Variants in E2F3 observed in about 807,000 individuals in gnomAD.
E2F3 encodes transcription factor E2F3.
In E2F3, 11 loss-of-function variants were observed where a neutral mutation model predicts 44.4. The ratio of observed to expected loss-of-function variants is 0.25; its 90% CI spans 0.16 to 0.41. E2F3 has a LOEUF of 0.41. Ranked by LOEUF, E2F3 falls within the 10% of genes least tolerant of loss-of-function variation. The pLI is 1.00. For missense variants in E2F3, 487 were observed against 583.6 expected, an observed-to-expected ratio of 0.83 and a Z score of 1.70; for synonymous variants, 249 against 253.0, an observed-to-expected ratio of 0.98 and a Z score of 0.15.
At chr6:20,408,570 A>G (rs535820501) in intron 1 of E2F3, among the ~76,000 whole-genome samples, 123 of 152,290 alleles carry the variant, frequency 8.1e-4, no homozygotes, top group African/African-American at 2.9e-3. Flanking sequence ...TCTCCTATCC[A>G]ATGCAATGTA....
Position 20,492,282 on chromosome 6 carries a change from G to A in E2F3, c.*1852G>A, listed in dbSNP as rs1221016335. 6 of 232,110 alleles carry A rather than the reference G, an allele frequency of 2.6e-5. No homozygotes were observed. Among genetic ancestry groups the A allele is most frequent in the Middle Eastern group, 2.6e-3 (2 of 778 alleles). 14.4% of individuals were successfully genotyped at this position (232,110 alleles called of 1,614,324 possible). Reference sequence around the variant, plus strand: ...CTTTAAACTCTTTGTGTGGGTATGCGTGGGTGTATGTTTGGGAAGAAAAAC... The same window carrying A: ...CTTTAAACTCTTTGTGTGGGTATGCATGGGTGTATGTTTGGGAAGAAAAAC... On this transcript the variant is annotated 3_prime_UTR_variant, in exon 7 of 7. Coordinates refer to ENST00000346618, the MANE Select transcript of E2F3 (RefSeq NM_001949.5).
intron 1 of E2F3, among the ~76,000 whole-genome samples, chr6:20,478,288 CACT>C (rs1762110602): frequency 6.6e-6 from 1 of 152,162 alleles, no homozygotes; most frequent in Non-Finnish European, 1.5e-5. Context: ...AACATGTGAT[CACT>C]ACTAAAATTG....
intron 1 of E2F3, chr6:20,421,791 A>G (rs1760036419): frequency 6.6e-6 from 1 of 152,310 alleles, no homozygotes; most frequent in African/African-American, 2.4e-5. Flanking sequence ...CCCGATCGGC[A>G]TAGCGCACTA....
At chr6:20,461,717 C>T (rs1761516269) in intron 1 of E2F3, among the ~76,000 whole-genome samples, 1 of 152,018 alleles carries the variant, frequency 6.6e-6, no homozygotes, top group African/African-American at 2.4e-5. Flanking sequence ...GTGTGATTGG[C>T]CTGTGTTGAT....
intron 1 of E2F3, among the ~76,000 whole-genome samples, chr6:20,474,452 C>A (rs991437476): frequency 6.6e-6 from 1 of 152,154 alleles, no homozygotes; most frequent in African/African-American, 2.4e-5. Flanking sequence ...TGCTTGGAAC[C>A]AAATGGCCCA....
At chr6:20,454,190 A>G (rs1346861017) in intron 1 of E2F3, among the ~76,000 whole-genome samples, 1 of 152,234 alleles carries the variant, frequency 6.6e-6, no homozygotes, top group Non-Finnish European at 1.5e-5. Context: ...CAGTCTCAAC[A>G]TCAGCTGAGA....
At chr6:20,420,843 T>G (rs1183674405) in intron 1 of E2F3, among the ~76,000 whole-genome samples, 1 of 152,240 alleles carries the variant, frequency 6.6e-6, no homozygotes, top group Non-Finnish European at 1.5e-5. Flanking sequence ...ATTGATTGAC[T>G]CTTCCTTTCA....
intron 1 of E2F3, among the ~76,000 whole-genome samples, chr6:20,428,865 G>A (rs758416450): frequency 2.0e-5 from 3 of 152,122 alleles, no homozygotes; most frequent in Non-Finnish European, 2.9e-5. Flanking sequence ...ATTCTAAGCT[G>A]CCCTACAATG....
At chr6:20,471,948 T>C (rs1182566802) in intron 1 of E2F3, among the ~76,000 whole-genome samples, 1 of 151,998 alleles carries the variant, frequency 6.6e-6, no homozygotes, top group African/African-American at 2.4e-5. Context: ...TCTGCAACTT[T>C]AATTTTTCTC....
At chr6:20,422,108 TA>T (rs1266935580) in intron 1 of E2F3, among the ~76,000 whole-genome samples, 1 of 152,244 alleles carries the variant, frequency 6.6e-6, no homozygotes, top group Non-Finnish European at 1.5e-5. Flanking sequence ...ATCTGTTGTT[TA>T]GGGTAGCCAC....
At chr6:20,480,134 G>C in intron 2 of E2F3, 177 bp downstream of exon 2, 5 of 904,834 alleles carry the variant, frequency 5.5e-6, no homozygotes, top group Non-Finnish European at 6.6e-6. Flanking sequence ...CCAGTGAAAG[G>C]CTACAGAGTC....
intron 1 of E2F3, among the ~76,000 whole-genome samples, chr6:20,408,212 C>G (rs562768831): frequency 6.6e-6 from 1 of 152,240 alleles, no homozygotes; most frequent in East Asian, 1.9e-4. Context: ...TTCTTCCTAC[C>G]CTGACCCTCT....
intron 6 of E2F3, among the ~76,000 whole-genome samples, chr6:20,488,857 G>T (rs1165654866): frequency 2.6e-4 from 39 of 152,080 alleles, no homozygotes; most frequent in Admixed American, 2.6e-3. Context: ...AGCTGTGCGT[G>T]GTGGCACGTG....
rs1231337602 is a variant in E2F3 at position 20,402,544 on chromosome 6, C to A, written c.312C>A (p.His104Gln). The change falls in exon 1 of 7, where the codon CAC becomes CAA. Residue 104 changes from histidine to glutamine, a missense_variant. Physicochemically the swap from His to Gln is conservative, Grantham distance 24 (BLOSUM62 0). This residue lies in a region of E2F3 where 238 missense variants were observed against 236.0 expected (regional missense o/e 1.01). Coordinates refer to ENST00000346618, the MANE Select transcript of E2F3 (RefSeq NM_001949.5). This position sits in a 1 kb window ranked among gnomAD's most constrained non-coding sequence, Gnocchi z 5.6. ...TAGSLLYTTPHGPSSRAGLLQ... is the reference protein window; with the variant it reads ...TAGSLLYTTPQGPSSRAGLLQ... Reference sequence around the variant, plus strand: ...GCAGCCTCCTCTACACCACGCCGCACGGACCCTCCAGCAGAGCCGGGCTGC... The same window carrying A: ...GCAGCCTCCTCTACACCACGCCGCAAGGACCCTCCAGCAGAGCCGGGCTGC... The A allele has an allele frequency of 6.3e-7, 1 of 1,593,142 alleles. No homozygotes were observed. Among genetic ancestry groups the A allele is most frequent in the Non-Finnish European group, 8.5e-7 (1 of 1,176,958 alleles).
chr6:20,418,670 A>G (rs1405708542), intron 1 of E2F3, among the ~76,000 whole-genome samples: 1 of 151,390 alleles, frequency 6.6e-6, no homozygotes, highest in Admixed American at 6.6e-5. Flanking sequence ...GTCAGAGTAA[A>G]GGCATTGAAT....
At chr6:20,466,033 C>T (rs1284616492) in intron 1 of E2F3, among the ~76,000 whole-genome samples, 1 of 150,504 alleles carries the variant, frequency 6.6e-6, no homozygotes, top group African/African-American at 2.4e-5. Context: ...CACTGTTTTC[C>T]ATAGGGGTTG....
At chr6:20,476,252 T>A (rs1362546686) in intron 1 of E2F3, among the ~76,000 whole-genome samples, 2 of 152,050 alleles carry the variant, frequency 1.3e-5, no homozygotes, top group East Asian at 3.9e-4. Context: ...ACGCCTGTAG[T>A]CCCAGCTACT....
rs2127581165 is a variant in E2F3, at chr6:20,402,277, C to G, written c.45C>G (p.Thr15=). Residue 15 remains threonine, a synonymous_variant, in exon 1 of 7, where the codon ACC becomes ACG. Coordinates refer to ENST00000346618, the MANE Select transcript of E2F3 (RefSeq NM_001949.5). The surrounding 1 kb of genome is among the most constrained non-coding windows in gnomAD (Gnocchi z 5.6). Reference sequence around the variant, plus strand: ...CCGCTCTGGAGCAGTACCTGGTGACCGCCGGGGGTGGGGAGGGGGCGGCTG... The same window carrying G: ...CCGCTCTGGAGCAGTACCTGGTGACGGCCGGGGGTGGGGAGGGGGCGGCTG... ...IQPALEQYLV[T]AGGGEGAAVV... The G allele has an allele frequency of 6.2e-7, 1 of 1,608,502 alleles. No individual in the cohort carries two copies. The highest frequency in any genetic ancestry group is 1.1e-5 in the South Asian group (1 of 90,642).
At chr6:20,411,226 A>G (rs1229990527) in intron 1 of E2F3, among the ~76,000 whole-genome samples, 5 of 152,160 alleles carry the variant, frequency 3.3e-5, no homozygotes, top group African/African-American at 4.8e-5. Flanking sequence ...CATAATTTCA[A>G]TCCTGTACAG....
Sources: allele counts gnomAD v4.1 joint callset (sites outside exome capture counted in the v4.1 genomes callset), GRCh38; gene constraint gnomAD v4.1.1; regional missense constraint gnomAD v4.1.1; non-coding constraint Gnocchi (gnomAD v3.1); transcripts MANE v1.5; gene names NCBI Gene and HGNC (gene_info 2026-07-23, HGNC 2026-07-21).